Variants in AUTS2 observed in about 807,000 individuals in gnomAD.
AUTS2 encodes autism susceptibility gene 2 protein.
A neutral mutation model predicts 112.4 loss-of-function variants in AUTS2; 17 were observed. The ratio of observed to expected loss-of-function variants is 0.15; its 90% CI spans 0.10 to 0.23. The LOEUF is 0.23. Ranked by LOEUF, AUTS2 falls within the 10% of genes least tolerant of loss-of-function variation. The pLI, the probability that AUTS2 is intolerant of heterozygous loss-of-function variation, is 1.00. For missense variants in AUTS2, 1,510 were observed against 1,701.6 expected (o/e 0.89, Z 1.98); for synonymous variants, 751 against 702.7 (o/e 1.07, Z -1.09).
intron 4 of AUTS2, among the ~76,000 whole-genome samples, chr7:70,170,994 C>T (rs536684444): frequency 6.6e-6 from 1 of 152,248 alleles, no homozygotes; most frequent in South Asian, 2.1e-4. Context: ...AAAACATAGT[C>T]TTTAGTCCCT....
chr7:70,413,403 A>G (rs1794856999), intron 4 of AUTS2, among the ~76,000 whole-genome samples: 1 of 152,184 alleles, frequency 6.6e-6, no homozygotes, highest in Admixed American at 6.5e-5. Context: ...AGCCTGTTTT[A>G]GGGACCTGGG....
chr7:69,939,413 A>G (rs189301585), intron 2 of AUTS2, among the ~76,000 whole-genome samples: 119 of 152,272 alleles, frequency 7.8e-4, no homozygotes, highest in African/African-American at 2.8e-3. Context: ...TCTGTGCCCC[A>G]CACAACCTCA....
chr7:70,732,409 T>C (rs1787472160), intron 6 of AUTS2, among the ~76,000 whole-genome samples: 2 of 152,152 alleles, frequency 1.3e-5, no homozygotes. Flanking sequence ...CCAGTCTACC[T>C]GTTGAGAAAG....
chr7:70,688,943 G>T (rs1808607642), intron 5 of AUTS2, among the ~76,000 whole-genome samples: 2 of 152,360 alleles, frequency 1.3e-5, no homozygotes, highest in Non-Finnish European at 2.9e-5. Flanking sequence ...TAATTGGGAT[G>T]CTGCTATTTT....
intron 4 of AUTS2, among the ~76,000 whole-genome samples, chr7:70,270,424 A>G (rs967788579): frequency 2.0e-4 from 30 of 152,184 alleles, no homozygotes; most frequent in African/African-American, 7.0e-4. Flanking sequence ...AGTACACGCC[A>G]ATCCTGGGAC....
At chr7:70,012,032 T>C (rs1299047989) in intron 2 of AUTS2, among the ~76,000 whole-genome samples, 1 of 152,148 alleles carries the variant, frequency 6.6e-6, no homozygotes, top group Non-Finnish European at 1.5e-5. Context: ...TCACTGAGGG[T>C]GTGCAGTCAT....
intron 3 of AUTS2, among the ~76,000 whole-genome samples, chr7:70,129,901 TTGTGTGTGTGTG>T (rs34163076): frequency 5.4e-5 from 8 of 147,322 alleles, no homozygotes; most frequent in Admixed American, 1.4e-4. Context: ...TATATATATA[TTGTGTGTGTGTG>T]TGTGTGTGTG....
chr7:70,444,117 A>G (rs1309960443), intron 5 of AUTS2, among the ~76,000 whole-genome samples: 5 of 152,122 alleles, frequency 3.3e-5, no homozygotes, highest in African/African-American at 1.2e-4. Context: ...GGTGATGGCT[A>G]TCAGCCCCAT....
chr7:69,914,390 C>CACAG (rs1554403937), intron 2 of AUTS2, among the ~76,000 whole-genome samples: 101 of 151,284 alleles, frequency 6.7e-4, no homozygotes, highest in African/African-American at 2.2e-3. Context: ...CACACACACA[C>CACAG]ACACAAACAA....
chr7:69,675,904 G>T, intron 1 of AUTS2, among the ~76,000 whole-genome samples: 1 of 152,194 alleles, frequency 6.6e-6, no homozygotes, highest in East Asian at 1.9e-4. Context: ...TTCGCAGACC[G>T]GGAAACTAAG....
chr7:69,773,881 A>C (rs979187379), intron 1 of AUTS2, among the ~76,000 whole-genome samples: 7 of 152,218 alleles, frequency 4.6e-5, no homozygotes, highest in Non-Finnish European at 1.0e-4. Context: ...GCTAAGGGGA[A>C]TCCCGTCGAA....
At chr7:70,325,822 T>C (rs1363221552) in intron 4 of AUTS2, among the ~76,000 whole-genome samples, 1 of 152,206 alleles carries the variant, frequency 6.6e-6, no homozygotes, top group South Asian at 2.1e-4. Context: ...CTTATCAAGC[T>C]GCTGTGGGGA....
intron 1 of AUTS2, among the ~76,000 whole-genome samples, chr7:69,677,089 T>TTG (rs1157945576): frequency 2.6e-5 from 4 of 152,188 alleles, no homozygotes; most frequent in Non-Finnish European, 4.4e-5. Context: ...ATGGAGCTTT[T>TTG]TGAGTATAAG....
chr7:69,980,094 T>C (rs1351196642), intron 2 of AUTS2, among the ~76,000 whole-genome samples: 1 of 152,138 alleles, frequency 6.6e-6, no homozygotes, highest in African/African-American at 2.4e-5. Context: ...TCTACCATTT[T>C]TTGTTTTGTG....
At chr7:70,030,736 G>A (rs544615379) in intron 2 of AUTS2, among the ~76,000 whole-genome samples, 11 of 152,168 alleles carry the variant, frequency 7.2e-5, no homozygotes, top group African/African-American at 2.2e-4. Flanking sequence ...ATAGTAAAAC[G>A]TTCATAGTTT....
intron 2 of AUTS2, among the ~76,000 whole-genome samples, chr7:70,037,388 C>T (rs918034997): frequency 6.6e-6 from 1 of 152,240 alleles, no homozygotes; most frequent in Admixed American, 6.5e-5. Context: ...GTTATAGCTG[C>T]TCTTGCCACA....
At chr7:70,501,926 T>G in intron 5 of AUTS2, among the ~76,000 whole-genome samples, 1 of 152,156 alleles carries the variant, frequency 6.6e-6, no homozygotes, top group East Asian at 1.9e-4. Flanking sequence ...GCAGGTGGCC[T>G]GAGGAGCCCT....
intron 5 of AUTS2, among the ~76,000 whole-genome samples, chr7:70,617,614 G>A (rs934929539): frequency 1.3e-5 from 2 of 151,678 alleles, no homozygotes; most frequent in African/African-American, 4.9e-5. Context: ...AGTGAGCTGA[G>A]ATCACACCAC....
At chr7:70,033,899 A>G (rs1455095930) in intron 2 of AUTS2, among the ~76,000 whole-genome samples, 1 of 152,146 alleles carries the variant, frequency 6.6e-6, no homozygotes, top group African/African-American at 2.4e-5. Context: ...GGTCTGTAGC[A>G]TATTAGGGTG....
Sources: allele counts gnomAD v4.1 joint callset (sites outside exome capture counted in the v4.1 genomes callset), GRCh38; gene constraint gnomAD v4.1.1; transcripts MANE v1.5; gene names NCBI Gene and HGNC (gene_info 2026-07-23, HGNC 2026-07-21).